Variants in SYNE2 observed in about 807,000 individuals in gnomAD.
SYNE2 encodes the protein spectrin repeat containing nuclear envelope protein 2.
SYNE2 carries 431 observed loss-of-function variants against 856.3 expected under a neutral mutation model. The observed-to-expected ratio is 0.50, with a 90% CI of 0.47 to 0.55. The LOEUF (loss-of-function observed/expected upper bound fraction) is 0.55. Ranked by LOEUF, SYNE2 falls within the 20% of genes least tolerant of loss-of-function variation. The pLI is 0.00. For missense variants in SYNE2, 8,129 were observed against 8,023.2 expected (o/e 1.01, Z -0.50); for synonymous variants, 2,923 against 2,872.3 (o/e 1.02, Z -0.56).
chr14:63,888,926 G>C (rs2140888702), intron 1 of SYNE2, among the ~76,000 whole-genome samples: 1 of 152,104 alleles, frequency 6.6e-6, no homozygotes, highest in South Asian at 2.1e-4. Flanking sequence ...AGTAGGCCGG[G>C]CGCGGTGGCA....
chr14:64,104,320 C>G (rs1398570312), intron 64 of SYNE2, among the ~76,000 whole-genome samples: 1 of 152,070 alleles, frequency 6.6e-6, no homozygotes, highest in African/African-American at 2.4e-5. Context: ...TTTCTTAATT[C>G]TGTTCTTCCC....
chr14:63,872,656 G>C (rs896375351), intron 1 of SYNE2, among the ~76,000 whole-genome samples: 5 of 149,876 alleles, frequency 3.3e-5, no homozygotes, highest in Non-Finnish European at 5.9e-5. Flanking sequence ...CGGTTACTTG[G>C]GAATCTGAGG....
intron 45 of SYNE2, 31 bp from the exon 46 acceptor site, chr14:64,047,967 CTA>C (rs779485507): frequency 6.2e-7 from 1 of 1,607,152 alleles, no homozygotes; most frequent in Non-Finnish European, 8.5e-7. Flanking sequence ...GGAAAGTAGA[CTA>C]TTCAGCAATT....
chr14:63,873,205 A>T (rs1383478189), intron 1 of SYNE2, among the ~76,000 whole-genome samples: 2 of 152,200 alleles, frequency 1.3e-5, no homozygotes, highest in Non-Finnish European at 2.9e-5. Flanking sequence ...AATCAGACTG[A>T]TGTGAAGTAC....
chr14:63,871,516 A>G (rs1250364855), intron 1 of SYNE2, among the ~76,000 whole-genome samples: 1 of 144,682 alleles, frequency 6.9e-6, no homozygotes, highest in African/African-American at 2.6e-5. Context: ...CGAGATTTGA[A>G]TTTTTTAAAA....
chr14:64,149,614 C>T (rs1367814051), intron 84 of SYNE2, among the ~76,000 whole-genome samples: 1 of 152,102 alleles, frequency 6.6e-6, no homozygotes, highest in Non-Finnish European at 1.5e-5. Context: ...TTTGATGCCT[C>T]TATACTATAA....
At chr14:64,175,973 T>C (rs2098433944) in intron 95 of SYNE2, among the ~76,000 whole-genome samples, 1 of 152,262 alleles carries the variant, frequency 6.6e-6, no homozygotes, top group South Asian at 2.1e-4. Flanking sequence ...TAATGATAAT[T>C]GCAAATAACA....
At chr14:63,816,103 CA>C (rs1172981024) in intron 1 of SYNE2, among the ~76,000 whole-genome samples, 1 of 151,994 alleles carries the variant, frequency 6.6e-6, no homozygotes, top group Non-Finnish European at 1.5e-5. Context: ...CAGGTGCCAC[CA>C]CGCCCAGCTA....
intron 60 of SYNE2, among the ~76,000 whole-genome samples, chr14:64,092,559 TAAAG>T (rs1299604185): frequency 1.3e-5 from 2 of 152,242 alleles, no homozygotes; most frequent in South Asian, 2.1e-4. Flanking sequence ...AGTTAAATAT[TAAAG>T]AAAATACAAG....
rs750374208 is a variant in SYNE2, at chr14:64,212,993, C to G, written c.19044C>G (p.Thr6348=). The G allele has an allele frequency of 6.2e-7, 1 of 1,613,478 alleles. No homozygotes were observed. The highest frequency in any genetic ancestry group is 1.1e-5 in the South Asian group (1 of 91,054). ...TCTCCCGGTTCCACCGGCGGCTCACCTCCTGCACTCCGGTACGGGCACTGC... is the reference window on the plus strand; with the variant it reads ...TCTCCCGGTTCCACCGGCGGCTCACGTCCTGCACTCCGGTACGGGCACTGC... The part of the protein sequence containing the change: ...GRVSRFHRRL[T]SCTPGLEDEK... Residue 6348 remains threonine (T), a synonymous_variant, in exon 105 of 116, where the codon ACC becomes ACG. Transcript: ENST00000555002.
intron 1 of SYNE2, among the ~76,000 whole-genome samples, chr14:63,889,166 T>G (rs1446868588): frequency 1.3e-5 from 2 of 151,068 alleles, no homozygotes; most frequent in African/African-American, 2.4e-5. Flanking sequence ...TTTTTTGTAG[T>G]TTTCTGGAAC....
At position 64,180,758 on chromosome 14, in the gene SYNE2, C is replaced by T. The variant is rs111912778; in HGVS notation, c.17556+3275C>T. On this transcript the variant is annotated intron_variant, in intron 96 of 115. Coordinates refer to ENST00000555002, the MANE Select transcript of SYNE2 (RefSeq NM_182914.3). The stretch of plus-strand genomic sequence containing the variant: ...ACCTCAGGTGATCCACCTGCTTTGG[C>T]CTCCCAAAGTGCTGGGATTACAGGC... Among the ~76,000 whole-genome samples the T allele has an allele frequency of 1.1e-4, 17 of 152,288 alleles. 1 individual carries two copies. Among genetic ancestry groups the T allele is most frequent in the African/African-American group, 4.1e-4 (17 of 41,560 alleles).
At chr14:63,971,968 A>G (rs1389406231) in intron 11 of SYNE2, among the ~76,000 whole-genome samples, 1 of 152,218 alleles carries the variant, frequency 6.6e-6, no homozygotes, top group African/African-American at 2.4e-5. Flanking sequence ...CTTCACAGGA[A>G]AAGTTTGCTG....
chr14:63,949,398 C>A (rs531308667), intron 6 of SYNE2, among the ~76,000 whole-genome samples: 19 of 152,214 alleles, frequency 1.2e-4, no homozygotes, highest in African/African-American at 4.3e-4. Context: ...ACTTGTCTAT[C>A]CATGTGTTTG....
Position 64,214,299 on chromosome 14 carries a change from T to G in SYNE2, c.19162T>G (p.Ser6388Ala), listed in dbSNP as rs2098655769. ...TAAACGGGGAGAGAGCGAGGAACCG[T>G]CATCTCCTCAGTCCCTGTGTCATCT... Reference protein sequence around the residue: ...WRKRGESEEPSSPQSLCHLVA... With the variant: ...WRKRGESEEPASPQSLCHLVA... The change falls in exon 106 of 116, where the codon TCA becomes GCA. Residue 6388 changes from serine to alanine, a missense_variant. Around this residue, in one of 3 missense-constraint regions of SYNE2, gnomAD observed 5,410 missense variants for 5,284.8 expected, o/e 1.02. Coordinates refer to ENST00000555002, the MANE Select transcript of SYNE2 (RefSeq NM_182914.3). The G allele has an allele frequency of 1.2e-6, 2 of 1,614,030 alleles. No homozygotes were observed. Among genetic ancestry groups the G allele is most frequent in the African/African-American group, 2.7e-5 (2 of 74,986 alleles).
chr14:63,985,185 C>A (rs912394036), intron 18 of SYNE2, among the ~76,000 whole-genome samples: 6 of 151,948 alleles, frequency 3.9e-5, no homozygotes, highest in Admixed American at 6.6e-5. Context: ...CAAAAATTAG[C>A]TGGGAGTGGT....
In SYNE2 at chr14:64,221,664, C is replaced by G. The variant is rs747426260; in HGVS notation, c.20150C>G (p.Ala6717Gly). ...RQKAHVTDPK[A>G]DPRALLECRR... ...AAGGCTCATGTCACCGATCCAAAGG[C>G]AGACCCCCGGGCTCTCCTAGAGTGT... Residue 6717 changes from alanine to glycine, a missense_variant, in exon 112 of 116, where the codon GCA becomes GGA. Ala to Gly is a moderately conservative substitution (Grantham distance 60). Transcript: ENST00000555002. 2 of 1,614,168 alleles carry G rather than the reference C, an allele frequency of 1.2e-6. No homozygotes were observed. The highest frequency in any genetic ancestry group is 1.7e-5 in the Admixed American group (1 of 60,008).
rs2098310909 is a variant in SYNE2 at position 64,159,396 on chromosome 14, T to G, written c.16048T>G (p.Ser5350Ala). Residue 5350 changes from serine to alanine, a missense_variant, in exon 87 of 116, where the codon TCT becomes GCT. Physicochemically the swap from Ser to Ala is moderately conservative, Grantham distance 99. Transcript: ENST00000555002. Reference protein sequence around the residue: ...VIGKLKGLCPSVAEIIEEKCQ... With the variant: ...VIGKLKGLCPAVAEIIEEKCQ... ...CGGCAAACTCAAAGGTCTCTGCCCC[T>G]CTGTTGCTGAAATAATCGAAGAGAA... The G allele has an allele frequency of 6.2e-7, 1 of 1,613,986 alleles. No individual in the cohort carries two copies. The highest frequency in any genetic ancestry group is 8.5e-7 in the Non-Finnish European group (1 of 1,179,892).
Position 63,788,675 on chromosome 14 carries a change from C to T in SYNE2, c.-305+26689C>T, listed in dbSNP as rs1887629532. Reference sequence around the variant, plus strand: ...GGGGGTTCCTGCCTGTCCCGGCGTCCCGCTGCCTCCACGGAGCATGCAGCC... The same window carrying T: ...GGGGGTTCCTGCCTGTCCCGGCGTCTCGCTGCCTCCACGGAGCATGCAGCC... On this transcript the variant is annotated intron_variant, in intron 1 of 23. Transcript: ENST00000674003. Among the ~76,000 whole-genome samples the T allele has an allele frequency of 2.0e-5, 3 of 152,224 alleles. No individual in the cohort carries two copies. In the South Asian group the frequency reaches 6.2e-4, roughly 32 times the overall value.
Sources: gnomAD v4.1 joint callset for allele counts (sites outside exome capture counted in the v4.1 genomes callset) on GRCh38, gnomAD v4.1.1 for gene constraint, gnomAD v4.1.1 regional missense constraint, MANE v1.5 for transcripts, NCBI Gene and HGNC (gene_info 2026-07-23, HGNC 2026-07-21) for gene names.